PRKCA: variants seen among roughly 807,000 people sequenced by gnomAD.
PRKCA encodes the protein protein kinase C alpha type.
Under a neutral mutation model 87.0 loss-of-function variants are expected in PRKCA, and 27 were observed. The observed-to-expected ratio is 0.31, with a 90% confidence interval of 0.23 to 0.43. The LOEUF is 0.43. PRKCA is among the 20% of genes least tolerant of loss of function. The probability of loss-of-function intolerance (pLI) is 1.00; values close to 1 mark genes in which losing one functional copy is unlikely to be tolerated. For missense variants in PRKCA, 518 were observed against 852.3 expected, an observed-to-expected ratio of 0.61 and a Z score of 4.88; for synonymous variants, 329 against 311.1, an observed-to-expected ratio of 1.06 and a Z score of -0.61.
At chr17:66,772,125 T>C (rs993694841) in intron 13 of PRKCA, among the ~76,000 whole-genome samples, 2 of 152,212 alleles carry the variant, frequency 1.3e-5, no homozygotes, top group South Asian at 2.1e-4. Flanking sequence ...ACTCCTTTGA[T>C]GCAAAATTTT....
At chr17:66,609,648 G>A (rs535244060) in intron 3 of PRKCA, among the ~76,000 whole-genome samples, 199 of 152,066 alleles carry the variant, frequency 1.3e-3, no homozygotes, top group Middle Eastern at 3.4e-3. Context: ...CAGAAACCCC[G>A]AGAGTCAACG....
intron 13 of PRKCA, among the ~76,000 whole-genome samples, chr17:66,749,347 A>G (rs1471451595): frequency 6.7e-6 from 1 of 150,314 alleles, no homozygotes; most frequent in East Asian, 2.0e-4. Context: ...CCACTCTCCA[A>G]TTTGCCAGAC....
At chr17:66,765,599 A>G (rs1974797172) in intron 13 of PRKCA, among the ~76,000 whole-genome samples, 1 of 147,214 alleles carries the variant, frequency 6.8e-6, no homozygotes, top group Admixed American at 6.8e-5. Flanking sequence ...TTTTATACTA[A>G]GTCTTCAAAA....
chr17:66,654,250 A>G (rs1447654960), intron 5 of PRKCA, among the ~76,000 whole-genome samples: 1 of 152,220 alleles, frequency 6.6e-6, no homozygotes, highest in Non-Finnish European at 1.5e-5. Flanking sequence ...CTGCCTAGAA[A>G]GGGGACATGA....
In PRKCA at chr17:66,303,044, C is replaced by T; in HGVS notation, c.173+20C>T. On this transcript the variant is annotated intron_variant, in intron 1 of 16. Coordinates refer to ENST00000413366, the MANE Select transcript of PRKCA (RefSeq NM_002737.3). ...CATCTGGTAGGTGCCGGGCCGGGCA[C>T]TCCTGCCCCGCTCCTCCCCGCCTCC... 3 of 1,591,214 alleles carry T rather than the reference C, an allele frequency of 1.9e-6. No homozygotes were observed. The highest frequency in any genetic ancestry group is 2.6e-6 in the Non-Finnish European group (3 of 1,169,494).
intron 2 of PRKCA, among the ~76,000 whole-genome samples, chr17:66,442,520 T>G (rs2143881691): frequency 6.6e-6 from 1 of 152,256 alleles, no homozygotes; most frequent in East Asian, 1.9e-4. Context: ...GGCTTCCCAT[T>G]GCTTCTAGGA....
At chr17:66,740,501 T>C (rs1226395750) in intron 11 of PRKCA, among the ~76,000 whole-genome samples, 2 of 152,294 alleles carry the variant, frequency 1.3e-5, no homozygotes, top group South Asian at 2.1e-4. Context: ...ATTTTTGGCC[T>C]GCGAGGGATT....
At chr17:66,377,438 A>G (rs1909486347) in intron 2 of PRKCA, among the ~76,000 whole-genome samples, 1 of 151,762 alleles carries the variant, frequency 6.6e-6, no homozygotes. Flanking sequence ...GAGCTAATGC[A>G]GAGCCTAGGT....
At chr17:66,769,369 A>T (rs1466442284) in intron 13 of PRKCA, among the ~76,000 whole-genome samples, 1 of 151,970 alleles carries the variant, frequency 6.6e-6, no homozygotes, top group African/African-American at 2.4e-5. Flanking sequence ...AAAAAAAAAA[A>T]ATAGTATTGC....
intron 2 of PRKCA, among the ~76,000 whole-genome samples, chr17:66,352,945 A>T (rs536596414): frequency 3.5e-3 from 535 of 152,278 alleles, no homozygotes; most frequent in Non-Finnish European, 6.1e-3. Flanking sequence ...TTCAGAGATG[A>T]AATAATTTTA....
intron 16 of PRKCA, among the ~76,000 whole-genome samples, chr17:66,798,525 TGGTGATGGTGGTGAC>T (rs1975755918): frequency 2.0e-5 from 1 of 50,036 alleles, no homozygotes; most frequent in Non-Finnish European, 4.0e-5. Flanking sequence ...GTGACGGTGG[TGGTGATGGTGGTGAC>T]GGTGGTGGTG....
chr17:66,312,730 A>AT (rs1905140972), intron 2 of PRKCA, among the ~76,000 whole-genome samples: 5 of 112,376 alleles, frequency 4.4e-5, no homozygotes, highest in African/African-American at 1.7e-4. Flanking sequence ...CTATCGTAGG[A>AT]CCTTTTTTTT....
chr17:66,661,771 G>A (rs1971909995), intron 5 of PRKCA, among the ~76,000 whole-genome samples: 1 of 152,250 alleles, frequency 6.6e-6, no homozygotes, highest in Non-Finnish European at 1.5e-5. Context: ...CAGGAAGCAA[G>A]TCCTTTGAAT....
At chr17:66,350,323 G>C (rs746806375) in intron 2 of PRKCA, among the ~76,000 whole-genome samples, 1 of 152,066 alleles carries the variant, frequency 6.6e-6, no homozygotes, top group Non-Finnish European at 1.5e-5. Context: ...AGTCCTGCCC[G>C]GGGCTCACCC....
At chr17:66,528,851 G>A (rs1967440567) in intron 3 of PRKCA, among the ~76,000 whole-genome samples, 1 of 152,220 alleles carries the variant, frequency 6.6e-6, no homozygotes, top group African/African-American at 2.4e-5. Context: ...GTGCTTGTGA[G>A]TTTACTTTGG....
At chr17:66,635,763 A>G (rs1971137098) in intron 3 of PRKCA, among the ~76,000 whole-genome samples, 1 of 152,202 alleles carries the variant, frequency 6.6e-6, no homozygotes, top group South Asian at 2.1e-4. Context: ...CATTGGAATT[A>G]TGCATGTAAA....
chr17:66,616,230 T>A (rs1204205783), intron 3 of PRKCA, among the ~76,000 whole-genome samples: 5 of 152,278 alleles, frequency 3.3e-5, no homozygotes, highest in East Asian at 3.9e-4. Context: ...CAACATGTCA[T>A]GTGGAATTAG....
intron 5 of PRKCA, among the ~76,000 whole-genome samples, chr17:66,646,086 T>A (rs1377958736): frequency 6.6e-6 from 1 of 152,166 alleles, no homozygotes; most frequent in African/African-American, 2.4e-5. Flanking sequence ...CACAGAGAGA[T>A]CAATAACTTG....
At position 66,416,875 on chromosome 17, in the gene PRKCA, G is replaced by A. The variant is rs141404224; in HGVS notation, c.206-79326G>A. The A allele has an allele frequency of 4.5e-3, 694 of 154,414 alleles. 6 individuals carry two copies. Among genetic ancestry groups the A allele is most frequent in the African/African-American group, 0.016 (674 of 41,570 alleles). 9.6% of individuals were successfully genotyped at this position (154,414 alleles called of 1,614,324 possible). On this transcript the variant is annotated intron_variant, in intron 2 of 16. Coordinates refer to ENST00000413366, the MANE Select transcript of PRKCA (RefSeq NM_002737.3). The stretch of plus-strand genomic sequence containing the variant: ...TCCATGTGTCACAGTATTGGAAAAG[G>A]TTCTGGAACTCTGGCCTTTGTCTCA...
Sources: gnomAD v4.1 joint callset for allele counts (sites outside exome capture counted in the v4.1 genomes callset) on GRCh38, gnomAD v4.1.1 for gene constraint, MANE v1.5 for transcripts, NCBI Gene and HGNC (gene_info 2026-07-23, HGNC 2026-07-21) for gene names.